The following GGTA1 variants were observed in gnomAD, a reference collection of about 807,000 sequenced individuals.
GGTA1 encodes inactive N-acetyllactosaminide alpha-1,3-galactosyltransferase.
In GGTA1, 5 loss-of-function variants were observed where a neutral mutation model predicts 2.6. The ratio of observed to expected loss-of-function variants is 1.92; its 90% confidence interval spans 1.00 to 4.04. The LOEUF is 4.04. Among genes scored for constraint, GGTA1 ranks in the 30% most tolerant of loss-of-function variants. The pLI, the probability that GGTA1 is intolerant of heterozygous loss-of-function variation, is 0.00. For synonymous variants in GGTA1, 17 were observed against 5.0 expected (o/e 3.38, Z -3.19); for missense variants, 50 against 16.7 (o/e 2.99, Z -3.47).
At chr9:121,473,614 T>C (rs1359426571) in intron 1 of GGTA1, among the ~76,000 whole-genome samples, 1 of 152,180 alleles carries the variant, frequency 6.6e-6, no homozygotes, top group Non-Finnish European at 1.5e-5. Flanking sequence ...TGGTTCACTG[T>C]CCTACCCACC....
downstream of GGTA1, chr9:121,451,862 G>T: frequency 6.6e-6 from 1 of 152,392 alleles, no homozygotes; most frequent in Non-Finnish European, 1.5e-5. Flanking sequence ...GTGGTTGTGG[G>T]TATGCTGTTG....
chr9:121,446,305 G>A (rs1424682835), exon 8 of GGTA1: 1 of 152,150 alleles, frequency 6.6e-6, no homozygotes, highest in Non-Finnish European at 1.5e-5. Flanking sequence ...AGGTTCCTTG[G>A]GACTCTGATC....
chr9:121,494,447 T>G (rs1411219098), intron 1 of GGTA1: 1 of 152,238 alleles, frequency 6.6e-6, no homozygotes, highest in Admixed American at 6.5e-5. Context: ...GCTCTTTGGC[T>G]GGAGATTTAG....
At chr9:121,482,399 G>A (rs10985269) in intron 1 of GGTA1, among the ~76,000 whole-genome samples, 33,182 of 152,016 alleles carry the variant, frequency 0.22, 4,321 homozygotes, top group Non-Finnish European at 0.3. Context: ...ACCAGGAGGC[G>A]GAGGTTGCAG....
chr9:121,453,426 G>A (rs2064888667), downstream of GGTA1, among the ~76,000 whole-genome samples: 1 of 149,612 alleles, frequency 6.7e-6, no homozygotes, highest in Admixed American at 6.7e-5. Flanking sequence ...AATGCAGAAA[G>A]CACAGAGCCG....
chr9:121,474,833 C>CACCTCTCT (rs1554837383), intron 1 of GGTA1, among the ~76,000 whole-genome samples: 1 of 151,670 alleles, frequency 6.6e-6, no homozygotes, highest in Non-Finnish European at 1.5e-5. Context: ...AAGCCTTCTC[C>CACCTCTCT]GCAGGCTAAA....
chr9:121,466,375 G>A (rs2065005225), intron 2 of GGTA1, among the ~76,000 whole-genome samples: 1 of 152,164 alleles, frequency 6.6e-6, no homozygotes, highest in South Asian at 2.1e-4. Flanking sequence ...AAAACTCTGA[G>A]TCATCTCTTC....
chr9:121,446,459 T>G (rs1177488821), exon 8 of GGTA1: 1 of 152,260 alleles, frequency 6.6e-6, no homozygotes, highest in Non-Finnish European at 1.5e-5. Context: ...AGGCAAATGG[T>G]GTCTTTACTG....
intron 1 of GGTA1, among the ~76,000 whole-genome samples, chr9:121,475,535 T>G (rs1302552941): frequency 1.3e-5 from 2 of 152,140 alleles, no homozygotes; most frequent in African/African-American, 4.8e-5. Flanking sequence ...GTAACACAAG[T>G]GTTTGGGGTG....
chr9:121,453,821 GCTGATA>G (rs2064891296), downstream of GGTA1, among the ~76,000 whole-genome samples: 1 of 152,190 alleles, frequency 6.6e-6, no homozygotes, highest in Admixed American at 6.5e-5. Context: ...CCACAGCGAG[GCTGATA>G]GTACAGCTGG....
chr9:121,499,335 C>T (rs1564660033), intron 1 of GGTA1, among the ~76,000 whole-genome samples: 1 of 152,106 alleles, frequency 6.6e-6, no homozygotes. Flanking sequence ...CCTGCGTCTC[C>T]CCTCTCTTCC....
At position 121,496,731 on chromosome 9, in the gene GGTA1, CAAAA is replaced by C. The variant is rs772847384; in HGVS notation, c.-10+2915_-10+2918del. 8.7e-4 allele frequency among the ~76,000 whole-genome samples: 27 copies of C among 31,210 alleles called. No homozygotes were observed. The South Asian group carries it at 0.011, about 13-fold the overall frequency. The allele number at this position is 31,210 out of a possible 152,430, so 20.5% of individuals were successfully genotyped here. A position where few individuals can be genotyped will look rare whatever the true frequency, so the allele number is the denominator to read the frequency against. On this transcript the variant is annotated intron_variant, in intron 1 of 5. Coordinates refer to ENST00000481799, the MANE Select transcript of GGTA1 (RefSeq NM_001382585.1). ...TGAGTGACAGAGCAAGGCTCCATCT[CAAAA>C]AAAAAAAAAAAAAAAAAAAAAAAGA...
intron 3 of GGTA1, among the ~76,000 whole-genome samples, chr9:121,461,793 G>A (rs2064962468): frequency 1.3e-5 from 2 of 152,230 alleles, no homozygotes; most frequent in Admixed American, 1.3e-4. Flanking sequence ...GAAAATGACT[G>A]TAACAAGTTA....
chr9:121,467,264 T>C (rs563214657), intron 2 of GGTA1, among the ~76,000 whole-genome samples: 1 of 152,148 alleles, frequency 6.6e-6, no homozygotes, highest in African/African-American at 2.4e-5. Flanking sequence ...GGTGAATCCA[T>C]AGATGAATTT....
chr9:121,465,442 G>C (rs1345240754), intron 2 of GGTA1, among the ~76,000 whole-genome samples: 2 of 152,208 alleles, frequency 1.3e-5, no homozygotes, highest in Admixed American at 1.3e-4. Flanking sequence ...CTGTTACGAA[G>C]TGAATGTTGT....
At chr9:121,454,186 G>T (rs1209576797), downstream of GGTA1, among the ~76,000 whole-genome samples, 1 of 152,202 alleles carries the variant, frequency 6.6e-6, no homozygotes, top group African/African-American at 2.4e-5. Flanking sequence ...TACGCCTGCT[G>T]CATGGAGGAC....
At chr9:121,456,944 T>A (rs1473947939) in intron 5 of GGTA1, among the ~76,000 whole-genome samples, 3 of 152,200 alleles carry the variant, frequency 2.0e-5, no homozygotes, top group Admixed American at 2.0e-4. Flanking sequence ...AGTGCTGGAA[T>A]TACAGGCATG....
At chr9:121,463,197 C>T (rs768541694) in intron 3 of GGTA1, 96 bp downstream of exon 3, 10 of 432,690 alleles carry the variant, frequency 2.3e-5, no homozygotes, top group Non-Finnish European at 4.1e-5. Flanking sequence ...TTTGGCCGAA[C>T]ACCATGGCTG....
chr9:121,495,341 T>C (rs1431086958), intron 1 of GGTA1, among the ~76,000 whole-genome samples: 1 of 151,118 alleles, frequency 6.6e-6, no homozygotes, highest in African/African-American at 2.4e-5. Context: ...AGGTCAGGAG[T>C]TCGAGACCAG....
Sources: gnomAD v4.1 joint callset for allele counts (sites outside exome capture counted in the v4.1 genomes callset) on GRCh38, gnomAD v4.1.1 for gene constraint, MANE v1.5 for transcripts, NCBI Gene and HGNC (gene_info 2026-07-23, HGNC 2026-07-21) for gene names.